The following TEAD1 variants were observed in gnomAD, a reference collection of about 807,000 sequenced individuals.
TEAD1 encodes TEA domain transcription factor 1.
TEAD1 carries 9 observed loss-of-function variants against 54.9 expected under a neutral mutation model. The observed-to-expected ratio is 0.16, with a 90% confidence interval of 0.10 to 0.29. The LOEUF (loss-of-function observed/expected upper bound fraction) is 0.29. TEAD1 is among the 10% of genes least tolerant of loss of function. The probability of loss-of-function intolerance (pLI) is 1.00; values close to 1 mark genes in which losing one functional copy is unlikely to be tolerated. For missense variants in TEAD1, 387 were observed against 535.9 expected (o/e 0.72, Z 2.74); for synonymous variants, 200 against 187.8 (o/e 1.07, Z -0.53).
intron 2 of TEAD1, among the ~76,000 whole-genome samples, chr11:12,676,005 A>G (rs1170554812): frequency 6.6e-6 from 1 of 152,194 alleles, no homozygotes; most frequent in Non-Finnish European, 1.5e-5. Flanking sequence ...GCAGAAATGA[A>G]AATTGACCTC....
chr11:12,678,099 G>A (rs559857003), intron 2 of TEAD1, among the ~76,000 whole-genome samples: 5 of 152,266 alleles, frequency 3.3e-5, no homozygotes, highest in Admixed American at 3.3e-4. Flanking sequence ...AAATATGAAA[G>A]CTGTGTTTAG....
intron 10 of TEAD1, among the ~76,000 whole-genome samples, chr11:12,904,139 G>A (rs1294783835): frequency 1.3e-5 from 2 of 152,298 alleles, no homozygotes; most frequent in Admixed American, 6.5e-5. Flanking sequence ...TACAAGAGCA[G>A]TGGGATAGAA....
chr11:12,774,020 AT>A lies in TEAD1; in HGVS notation c.202+9590del, dbSNP rs1303449905. Reference sequence around the variant, plus strand: ...CAAGAAGGTTATTGGGTTTATTCATATTTTGACAGTTGTTATGGCTTGGTCG... The same window carrying A: ...CAAGAAGGTTATTGGGTTTATTCATATTTGACAGTTGTTATGGCTTGGTCG... On this transcript the variant is annotated intron_variant, in intron 3 of 12. Coordinates refer to ENST00000527636, the MANE Select transcript of TEAD1 (RefSeq NM_021961.6). Among the ~76,000 whole-genome samples, 3 of 152,206 alleles carry A rather than the reference AT, an allele frequency of 2.0e-5. No individual in the cohort carries two copies. The South Asian group carries it at 6.2e-4, about 31-fold the overall frequency.
intron 2 of TEAD1, among the ~76,000 whole-genome samples, chr11:12,709,586 T>C (rs764152652): frequency 1.4e-4 from 22 of 152,120 alleles, no homozygotes; most frequent in Non-Finnish European, 2.8e-4. Context: ...AATGGTGTGA[T>C]CGTAGCCCAC....
chr11:12,756,480 G>A (rs1188890397), intron 2 of TEAD1, among the ~76,000 whole-genome samples: 1 of 152,190 alleles, frequency 6.6e-6, no homozygotes, highest in African/African-American at 2.4e-5. Context: ...GTCTTAAATG[G>A]TAGGAAAATA....
chr11:12,879,446 G>A, intron 5 of TEAD1: 2 of 615,630 alleles, frequency 3.2e-6, no homozygotes, highest in Non-Finnish European at 5.8e-6. Flanking sequence ...ACTCTTCTGA[G>A]AGGCTTCACA....
intron 9 of TEAD1, among the ~76,000 whole-genome samples, chr11:12,887,044 T>C (rs1316054360): frequency 6.6e-6 from 1 of 151,754 alleles, no homozygotes; most frequent in Non-Finnish European, 1.5e-5. Flanking sequence ...TGAACACAAA[T>C]GATTTAATAT....
chr11:12,866,916 A>G (rs145628354), intron 5 of TEAD1, among the ~76,000 whole-genome samples: 63 of 152,324 alleles, frequency 4.1e-4, no homozygotes, highest in Middle Eastern at 3.4e-3. Context: ...CACTTTGGGT[A>G]ATAGCGGGAG....
At chr11:12,698,870 A>T (rs1332963718) in intron 2 of TEAD1, among the ~76,000 whole-genome samples, 1 of 152,172 alleles carries the variant, frequency 6.6e-6, no homozygotes, top group East Asian at 1.9e-4. Context: ...GTAATTTCAC[A>T]TACTCTTTCC....
intron 2 of TEAD1, among the ~76,000 whole-genome samples, chr11:12,690,112 C>G (rs150492443): frequency 0.011 from 1,599 of 151,852 alleles, 26 homozygotes; most frequent in African/African-American, 0.037. Context: ...GTGGTGGCGG[C>G]CGCCTGTAGT....
intron 2 of TEAD1, among the ~76,000 whole-genome samples, chr11:12,760,450 T>TG (rs1945077296): frequency 6.6e-6 from 1 of 152,190 alleles, no homozygotes; most frequent in Non-Finnish European, 1.5e-5. Context: ...CCACATCTGT[T>TG]GGAGTCTTCA....
chr11:12,793,035 T>C (rs565356691), intron 3 of TEAD1, among the ~76,000 whole-genome samples: 1 of 152,268 alleles, frequency 6.6e-6, no homozygotes, highest in East Asian at 1.9e-4. Flanking sequence ...CATTCCAGCT[T>C]GGGCTGTTAG....
At chr11:12,936,266 G>A (rs1949097404) in intron 12 of TEAD1, among the ~76,000 whole-genome samples, 1 of 152,148 alleles carries the variant, frequency 6.6e-6, no homozygotes, top group Non-Finnish European at 1.5e-5. Flanking sequence ...CAATGATTTG[G>A]GCTGGAGAAC....
At position 12,944,660 on chromosome 11, in the gene TEAD1, T is replaced by G. The variant is rs1949190675; in HGVS notation, c.*7438T>G. Among the ~76,000 whole-genome samples the G allele has an allele frequency of 6.6e-6, 1 of 152,206 alleles. No homozygotes were observed. The highest frequency in any genetic ancestry group is 1.5e-5 in the Non-Finnish European group (1 of 68,020). ...TTTTGATGCCTTCTTGATAAAGTGG[T>G]AGACATTTTGTAGCTTTCTAGAAAC... On this transcript the variant is annotated 3_prime_UTR_variant, in exon 13 of 13. Coordinates refer to ENST00000527636, the MANE Select transcript of TEAD1 (RefSeq NM_021961.6).
chr11:12,716,185 C>T (rs570225444), intron 2 of TEAD1, among the ~76,000 whole-genome samples: 3 of 152,158 alleles, frequency 2.0e-5, no homozygotes, highest in African/African-American at 4.8e-5. Context: ...GTGGAAACTC[C>T]GGCCAACTCT....
intron 9 of TEAD1, among the ~76,000 whole-genome samples, chr11:12,890,042 A>G (rs770430098): frequency 1.3e-5 from 2 of 152,090 alleles, no homozygotes; most frequent in Non-Finnish European, 2.9e-5. Context: ...TTTATATATT[A>G]TGTCAATAAT....
At chr11:12,886,304 T>C (rs1948086029) in intron 9 of TEAD1, among the ~76,000 whole-genome samples, 1 of 152,168 alleles carries the variant, frequency 6.6e-6, no homozygotes. Flanking sequence ...TGGCCTGCTG[T>C]TGTTGAATAA....
In TEAD1 at chr11:12,824,557, T is replaced by G. The variant is rs73425633; in HGVS notation, c.203-37693T>G. On this transcript the variant is annotated intron_variant, in intron 3 of 12. Transcript: ENST00000527636. ...TTGTTTCCATCCGGGAACCAAGTTTTCAAAAAGAAGTCCGGCTGCTTTGTT... is the reference window on the plus strand; with the variant it reads ...TTGTTTCCATCCGGGAACCAAGTTTGCAAAAAGAAGTCCGGCTGCTTTGTT... Among the ~76,000 whole-genome samples, 560 of 152,340 alleles carry G rather than the reference T, an allele frequency of 3.7e-3. 5 individuals are homozygous for G. The highest frequency in any genetic ancestry group is 0.012 in the African/African-American group (512 of 41,572).
At chr11:12,799,613 G>T (rs770338816) in intron 3 of TEAD1, among the ~76,000 whole-genome samples, 2 of 152,230 alleles carry the variant, frequency 1.3e-5, no homozygotes, top group Admixed American at 1.3e-4. Flanking sequence ...ATGCTGGTAA[G>T]AAGAGTTATT....
Sources: gnomAD v4.1 joint callset for allele counts (sites outside exome capture counted in the v4.1 genomes callset) on GRCh38, gnomAD v4.1.1 for gene constraint, MANE v1.5 for transcripts, NCBI Gene and HGNC (gene_info 2026-07-23, HGNC 2026-07-21) for gene names.